ARHGEF12: variants seen among roughly 807,000 people sequenced by gnomAD.
The protein encoded by ARHGEF12 is KMT2A/ARHGEF12 fusion protein.
In ARHGEF12, 66 loss-of-function variants were observed where a neutral mutation model predicts 211.2. The ratio of observed to expected loss-of-function variants is 0.31; its 90% CI spans 0.26 to 0.38. ARHGEF12 has a LOEUF of 0.38. ARHGEF12 is among the 10% of genes least tolerant of loss of function. ARHGEF12 has a pLI of 1.00. For missense variants in ARHGEF12, 1,429 were observed against 1,869.5 expected, an observed-to-expected ratio of 0.76 and a Z score of 4.34; for synonymous variants, 592 against 638.4, an observed-to-expected ratio of 0.93 and a Z score of 1.09.
At chr11:120,436,196 C>G (rs1945688763) in intron 11 of ARHGEF12, among the ~76,000 whole-genome samples, 1 of 152,022 alleles carries the variant, frequency 6.6e-6, no homozygotes, top group Non-Finnish European at 1.5e-5. Flanking sequence ...CTCCTGTGTT[C>G]TTTTGACATG....
At chr11:120,403,561 A>C (rs1944606105) in intron 1 of ARHGEF12, among the ~76,000 whole-genome samples, 1 of 152,040 alleles carries the variant, frequency 6.6e-6, no homozygotes. Context: ...CAGTGATTCA[A>C]ATTCCTGATA....
intron 1 of ARHGEF12, among the ~76,000 whole-genome samples, chr11:120,360,644 C>T (rs111561946): frequency 0.015 from 2,258 of 152,266 alleles, 52 homozygotes; most frequent in African/African-American, 0.05. Context: ...CCGCCTACCT[C>T]GGCTTCCCAA....
intron 1 of ARHGEF12, among the ~76,000 whole-genome samples, chr11:120,376,686 T>G (rs1222717453): frequency 6.6e-6 from 1 of 152,200 alleles, no homozygotes; most frequent in Non-Finnish European, 1.5e-5. Context: ...TATTTTTAAA[T>G]GTACAATAAA....
intron 4 of ARHGEF12, 139 bp downstream of exon 4, chr11:120,409,589 C>G: frequency 1.2e-6 from 1 of 819,248 alleles, no homozygotes; most frequent in South Asian, 1.9e-5. Flanking sequence ...GCATGATCTA[C>G]TGCAGGGAAA....
chr11:120,391,335 T>G (rs1052127536), intron 1 of ARHGEF12, among the ~76,000 whole-genome samples: 1 of 152,216 alleles, frequency 6.6e-6, no homozygotes, highest in Non-Finnish European at 1.5e-5. Context: ...TGGGTTTAAT[T>G]TGATAGAAAA....
intron 2 of ARHGEF12, among the ~76,000 whole-genome samples, chr11:120,407,165 C>T (rs891200073): frequency 1.3e-5 from 2 of 152,118 alleles, no homozygotes; most frequent in African/African-American, 4.8e-5. Context: ...TCTTGTCACC[C>T]AACCATTATC....
At position 120,347,673 on chromosome 11, in the gene ARHGEF12, G is replaced by T. The variant is rs553658014; in HGVS notation, c.32+10398G>T. 7.9e-5 allele frequency among the ~76,000 whole-genome samples: 12 copies of T among 152,314 alleles called. No homozygotes were observed. The South Asian group carries it at 2.5e-3, about 32-fold the overall frequency. On this transcript the variant is annotated intron_variant, in intron 1 of 40. Transcript: ENST00000397843. ...GTTAGTTTGTCTTGAAGGCCTGAAA[G>T]CCTCCATTTTGATTCAAGATGTCGT...
intron 22 of ARHGEF12, among the ~76,000 whole-genome samples, chr11:120,452,469 T>C (rs1946240140): frequency 6.6e-6 from 1 of 152,106 alleles, no homozygotes. Context: ...GAGTGGTCCC[T>C]GAGGTGCCAT....
chr11:120,364,196 T>C (rs1408053539), intron 1 of ARHGEF12, among the ~76,000 whole-genome samples: 1 of 152,172 alleles, frequency 6.6e-6, no homozygotes, highest in East Asian at 1.9e-4. Context: ...GGTGCTGTAG[T>C]ATAAGGCCAA....
chr11:120,446,324 G>A (rs1038081680), intron 16 of ARHGEF12, 79 bp from the exon 17 acceptor site: 8 of 1,012,224 alleles, frequency 7.9e-6, no homozygotes, highest in African/African-American at 1.6e-5. Context: ...TAATTTGTAC[G>A]AAGTAGCATT....
chr11:120,379,596 A>G (rs1943823192), intron 1 of ARHGEF12, among the ~76,000 whole-genome samples: 2 of 151,914 alleles, frequency 1.3e-5, no homozygotes, highest in Non-Finnish European at 2.9e-5. Flanking sequence ...TATAATTAAC[A>G]GATATTGAAT....
chr11:120,435,727 AG>A (rs2135749689), intron 11 of ARHGEF12, among the ~76,000 whole-genome samples: 1 of 151,936 alleles, frequency 6.6e-6, no homozygotes, highest in Admixed American at 6.6e-5. Context: ...CGTGTTAGCC[AG>A]GATGGTCTCG....
chr11:120,436,290 G>A (rs1483964649), intron 11 of ARHGEF12, among the ~76,000 whole-genome samples: 1 of 152,136 alleles, frequency 6.6e-6, no homozygotes, highest in Admixed American at 6.5e-5. Context: ...AGACCTGAAA[G>A]TCATTCATTT....
intron 1 of ARHGEF12, among the ~76,000 whole-genome samples, chr11:120,351,604 GGGATT>G (rs1942975068): frequency 6.7e-6 from 1 of 150,116 alleles, no homozygotes; most frequent in African/African-American, 2.4e-5. Flanking sequence ...CTGATTAGCT[GGGATT>G]ATAGGCACCC....
intron 36 of ARHGEF12, 21 bp downstream of exon 36, chr11:120,477,547 C>T: frequency 6.3e-7 from 1 of 1,595,224 alleles, no homozygotes; most frequent in Admixed American, 1.7e-5. Flanking sequence ...CTGAAGAGTT[C>T]AATGGAGAAT....
intron 1 of ARHGEF12, among the ~76,000 whole-genome samples, chr11:120,368,350 C>T (rs1024548985): frequency 5.9e-5 from 9 of 152,128 alleles, no homozygotes; most frequent in East Asian, 1.9e-4. Flanking sequence ...CCTATGTTGC[C>T]GAGGCTGGTC....
In ARHGEF12 at chr11:120,486,938, GA is replaced by G. The variant is rs1947411106; in HGVS notation, c.*1863del. The G allele has an allele frequency of 1.9e-5, 4 of 211,124 alleles. No homozygotes were observed. Among genetic ancestry groups the G allele is most frequent in the South Asian group, 1.9e-4 (1 of 5,316 alleles). The allele number at this position is 211,124 out of a possible 1,614,324, so 13.1% of individuals were successfully genotyped here. A position where few individuals can be genotyped will look rare whatever the true frequency, so the allele number is the denominator to read the frequency against. On this transcript the variant is annotated 3_prime_UTR_variant, in exon 41 of 41. Coordinates refer to ENST00000397843, the MANE Select transcript of ARHGEF12 (RefSeq NM_015313.3). ...ACTCAGAATGGGATTAAAAATTTTA[GA>G]AGCAGAAGCTAATATATAAATGAAG...
chr11:120,440,064 T>C (rs925019706), intron 12 of ARHGEF12, 65 bp from the exon 13 acceptor site: 1 of 1,164,072 alleles, frequency 8.6e-7, no homozygotes, highest in Non-Finnish European at 1.3e-6. Context: ...ATGGGTTGGC[T>C]TTATTCTTTT....
intron 38 of ARHGEF12, 90 bp downstream of exon 38, chr11:120,480,520 G>GGT (rs143487914): frequency 0.15 from 150,081 of 1,033,438 alleles, 5,413 homozygotes; most frequent in Middle Eastern, 0.16. Context: ...TTGGTATCCA[G>GGT]GTGTGTGTGT....
Sources: allele counts gnomAD v4.1 joint callset (sites outside exome capture counted in the v4.1 genomes callset), GRCh38; gene constraint gnomAD v4.1.1; transcripts MANE v1.5; gene names NCBI Gene and HGNC (gene_info 2026-07-23, HGNC 2026-07-21).